Variants in EYS observed in about 807,000 individuals in gnomAD.
EYS encodes protein eyes shut homolog.
In EYS, 250 loss-of-function variants were observed where a neutral mutation model predicts 282.1. The observed-to-expected ratio is 0.89, with a 90% CI of 0.80 to 0.98. The LOEUF is 0.98. EYS is among the 50% of genes least tolerant of loss of function. EYS has a pLI of 0.00. For missense variants in EYS, 4,016 were observed against 3,709.0 expected (o/e 1.08, Z -2.15); for synonymous variants, 1,355 against 1,282.9 (o/e 1.06, Z -1.20).
At chr6:65,344,296 A>C (rs1312479770) in intron 9 of EYS, 119 bp from the exon 10 acceptor site, 1 of 851,356 alleles carries the variant, frequency 1.2e-6, no homozygotes, top group Non-Finnish European at 1.9e-6. Flanking sequence ...TCTGCCACAA[A>C]ATAAGTTCCT....
At chr6:65,534,695 T>TG (rs1203855077) in intron 2 of EYS, among the ~76,000 whole-genome samples, 4 of 152,110 alleles carry the variant, frequency 2.6e-5, no homozygotes, top group Non-Finnish European at 5.9e-5. Flanking sequence ...TATCTACAGC[T>TG]TCTCCATGGC....
At position 65,069,621 on chromosome 6, in the gene EYS, C is replaced by T. The variant is rs370784462; in HGVS notation, c.2024-11894G>A. On this transcript the variant is annotated intron_variant, in intron 12 of 42. Coordinates refer to ENST00000503581, the MANE Select transcript of EYS (RefSeq NM_001142800.2). ...ATGTAGCTTCTGTGGTTTTTCTACT[C>T]GTATCTTAATTATTGACATGCCTCA... Among the ~76,000 whole-genome samples the T allele has an allele frequency of 3.3e-5, 5 of 151,982 alleles. No individual in the cohort carries two copies. In the South Asian group the frequency reaches 6.2e-4, roughly 19 times the overall value.
intron 33 of EYS, among the ~76,000 whole-genome samples, chr6:64,010,881 T>C (rs1768587999): frequency 6.6e-6 from 1 of 152,182 alleles, no homozygotes; most frequent in South Asian, 2.1e-4. Flanking sequence ...ATACTTTGAT[T>C]GCATTCTGTT....
At chr6:65,114,227 T>C (rs1158869726) in intron 12 of EYS, among the ~76,000 whole-genome samples, 3 of 151,928 alleles carry the variant, frequency 2.0e-5, no homozygotes, top group Admixed American at 2.0e-4. Context: ...TCTAAATACA[T>C]GAATAAAAAT....
At chr6:65,454,668 G>A (rs1764535760) in intron 5 of EYS, among the ~76,000 whole-genome samples, 1 of 151,784 alleles carries the variant, frequency 6.6e-6, no homozygotes, top group Admixed American at 6.6e-5. Flanking sequence ...GATTCATATT[G>A]AGTTGATTTT....
chr6:63,843,690 A>G (rs1031925622), intron 36 of EYS, among the ~76,000 whole-genome samples: 4 of 152,222 alleles, frequency 2.6e-5, no homozygotes, highest in African/African-American at 7.2e-5. Context: ...GAAAACCAGC[A>G]CAAGACAAGG....
At chr6:65,474,438 C>A (rs980167060) in intron 5 of EYS, among the ~76,000 whole-genome samples, 1 of 152,066 alleles carries the variant, frequency 6.6e-6, no homozygotes, top group African/African-American at 2.4e-5. Flanking sequence ...TCTATAAAAT[C>A]CTCAGCAAAT....
chr6:64,092,467 C>T (rs1398367732), intron 31 of EYS, among the ~76,000 whole-genome samples: 1 of 151,638 alleles, frequency 6.6e-6, no homozygotes, highest in African/African-American at 2.4e-5. Flanking sequence ...GATGGTATCT[C>T]ATTGTGGTTT....
At chr6:65,154,819 G>A (rs1764695055) in intron 12 of EYS, among the ~76,000 whole-genome samples, 1 of 151,382 alleles carries the variant, frequency 6.6e-6, no homozygotes, top group Non-Finnish European at 1.5e-5. Context: ...TGATAGGAAG[G>A]GTAAAGGTGA....
At chr6:65,184,044 T>A (rs1255378840) in intron 12 of EYS, among the ~76,000 whole-genome samples, 1 of 152,004 alleles carries the variant, frequency 6.6e-6, no homozygotes, top group East Asian at 1.9e-4. Context: ...TTTGTTGCAC[T>A]GACTTGTCCT....
intron 19 of EYS, among the ~76,000 whole-genome samples, chr6:64,870,328 A>C (rs1766552082): frequency 6.6e-6 from 1 of 151,620 alleles, no homozygotes; most frequent in Non-Finnish European, 1.5e-5. Flanking sequence ...TTACTTGAGA[A>C]GAAGTTTACA....
At chr6:64,567,682 T>C (rs1472604059) in intron 26 of EYS, among the ~76,000 whole-genome samples, 1 of 152,208 alleles carries the variant, frequency 6.6e-6, no homozygotes, top group African/African-American at 2.4e-5. Context: ...AAACTATTTC[T>C]AAAAACTAGA....
intron 31 of EYS, among the ~76,000 whole-genome samples, chr6:64,151,267 A>G (rs888537188): frequency 1.0e-4 from 15 of 144,774 alleles, no homozygotes; most frequent in Non-Finnish European, 1.6e-4. Context: ...TTCAGTGAAA[A>G]TAAATTACAG....
intron 14 of EYS, among the ~76,000 whole-genome samples, chr6:64,962,644 G>A (rs916765232): frequency 4.6e-5 from 7 of 151,988 alleles, no homozygotes; most frequent in African/African-American, 1.7e-4. Context: ...TGAGGCTGAG[G>A]GGCTGAGGCT....
chr6:64,895,153 A>G lies in EYS; in HGVS notation c.2846+6960T>C, dbSNP rs569007690. Among the ~76,000 whole-genome samples, 8 of 152,284 alleles carry G rather than the reference A, an allele frequency of 5.3e-5. No homozygotes were observed. In the South Asian group the frequency reaches 1.7e-3, roughly 32 times the overall value. ...CCAGATTGGACAATGCAAAAGCTAGAAAGGGCACAGAAAATAAGATGAATG... is the reference window on the plus strand; with the variant it reads ...CCAGATTGGACAATGCAAAAGCTAGGAAGGGCACAGAAAATAAGATGAATG... On this transcript the variant is annotated intron_variant, in intron 18 of 42. Transcript: ENST00000503581.
At chr6:63,919,904 A>G (rs1764522271) in intron 35 of EYS, among the ~76,000 whole-genome samples, 1 of 152,224 alleles carries the variant, frequency 6.6e-6, no homozygotes, top group Non-Finnish European at 1.5e-5. Context: ...CATGTGGTTA[A>G]TTATCCACCT....
intron 28 of EYS, among the ~76,000 whole-genome samples, chr6:64,429,696 G>T (rs532495882): frequency 6.6e-6 from 1 of 152,026 alleles, no homozygotes; most frequent in East Asian, 1.9e-4. Flanking sequence ...GGCCTATATA[G>T]GTTACATTTT....
At chr6:64,186,606 C>A (rs1274862182) in intron 31 of EYS, among the ~76,000 whole-genome samples, 1 of 152,088 alleles carries the variant, frequency 6.6e-6, no homozygotes, top group Non-Finnish European at 1.5e-5. Context: ...ACTAGGAAAT[C>A]ACTTGAGGCA....
intron 8 of EYS, among the ~76,000 whole-genome samples, chr6:65,365,746 C>G (rs1000573252): frequency 6.6e-6 from 1 of 151,642 alleles, no homozygotes; most frequent in African/African-American, 2.4e-5. Context: ...AGACAAGTGA[C>G]TAAAGATTTC....
Sources: gnomAD v4.1 joint callset for allele counts (sites outside exome capture counted in the v4.1 genomes callset) on GRCh38, gnomAD v4.1.1 for gene constraint, MANE v1.5 for transcripts, NCBI Gene and HGNC (gene_info 2026-07-23, HGNC 2026-07-21) for gene names.